The following PROCR variants were observed in gnomAD, a reference collection of about 807,000 sequenced individuals.
The protein encoded by PROCR is protein C receptor.
In PROCR, 22 loss-of-function variants were observed where a neutral mutation model predicts 24.2. The observed-to-expected ratio is 0.91, with a 90% CI of 0.65 to 1.30. PROCR has a LOEUF of 1.30. Ranked by LOEUF, PROCR falls within the 50% of genes most tolerant of loss-of-function variation. The pLI, the probability that PROCR is intolerant of heterozygous loss-of-function variation, is 0.00. For missense variants in PROCR, 288 were observed against 307.7 expected (o/e 0.94, Z 0.48); for synonymous variants, 137 against 139.2 (o/e 0.98, Z 0.11).
chr20:35,192,501 G>A (rs1001948076), intron 1 of PROCR, among the ~76,000 whole-genome samples: 1 of 152,120 alleles, frequency 6.6e-6, no homozygotes, highest in Non-Finnish European at 1.5e-5. Context: ...GGAAAGTTGT[G>A]TGTCTGTTCC....
upstream of PROCR, chr20:35,172,031 ATCC>A: frequency 1.2e-6 from 1 of 845,988 alleles, no homozygotes; most frequent in South Asian, 1.4e-5. Flanking sequence ...GCCTCCTTCC[ATCC>A]TCCTCTGCCC....
At chr20:35,216,215 A>G (rs1359049464) in exon 2 of PROCR, 1 of 152,150 alleles carries the variant, frequency 6.6e-6, no homozygotes, top group African/African-American at 2.4e-5. Context: ...TAAATAAATA[A>G]AACAAAATAA....
chr20:35,183,993 A>G (rs1448406515), intron 1 of PROCR, among the ~76,000 whole-genome samples: 7 of 152,222 alleles, frequency 4.6e-5, no homozygotes, highest in Non-Finnish European at 7.3e-5. Flanking sequence ...AGCAATCTAC[A>G]AATTCACGCA....
intron 1 of PROCR, among the ~76,000 whole-genome samples, chr20:35,197,858 C>G (rs2060304368): frequency 6.6e-6 from 1 of 151,200 alleles, no homozygotes. Flanking sequence ...TCACATACAT[C>G]TCTCACTTTA....
At chr20:35,197,966 T>C (rs1252876191) in intron 1 of PROCR, among the ~76,000 whole-genome samples, 1 of 150,532 alleles carries the variant, frequency 6.6e-6, no homozygotes, top group Admixed American at 6.6e-5. Context: ...GTTAGCCGAG[T>C]TGTAAATGCA....
intron 2 of PROCR, among the ~76,000 whole-genome samples, chr20:35,175,293 TC>T (rs1447621482): frequency 1.3e-5 from 2 of 151,174 alleles, no homozygotes; most frequent in East Asian, 3.9e-4. Flanking sequence ...TTCATAGATC[TC>T]CGTCCTTCCC....
downstream of PROCR, among the ~76,000 whole-genome samples, chr20:35,181,569 G>A (rs1017643143): frequency 9.2e-5 from 14 of 152,238 alleles, no homozygotes; most frequent in Admixed American, 4.6e-4. Flanking sequence ...CACTGTGCCC[G>A]GCCCCTCAAA....
At chr20:35,204,366 TTCCC>T (rs1394556646) in intron 1 of PROCR, among the ~76,000 whole-genome samples, 17 of 109,482 alleles carry the variant, frequency 1.6e-4, no homozygotes, top group African/African-American at 3.5e-4. Flanking sequence ...CCCTCCCTCC[TTCCC>T]TCCCTCCCTC....
chr20:35,192,137 G>A (rs1332796190), intron 1 of PROCR, among the ~76,000 whole-genome samples: 1 of 152,184 alleles, frequency 6.6e-6, no homozygotes, highest in Non-Finnish European at 1.5e-5. Flanking sequence ...CACTGCTGTT[G>A]GTAAGGTAAA....
intron 1 of PROCR, among the ~76,000 whole-genome samples, chr20:35,196,396 A>T (rs1320688942): frequency 6.6e-6 from 1 of 152,072 alleles, no homozygotes; most frequent in East Asian, 1.9e-4. Context: ...CCCCAAAAGG[A>T]TAAAAGCAAT....
At chr20:35,172,571 C>T (rs146274958) in intron 1 of PROCR, among the ~76,000 whole-genome samples, 3 of 151,182 alleles carry the variant, frequency 2.0e-5, no homozygotes, top group Non-Finnish European at 4.4e-5. Context: ...CTAGGGGAGA[C>T]GGGAAGAGGC....
downstream of PROCR, among the ~76,000 whole-genome samples, chr20:35,180,489 A>G (rs1191308656): frequency 2.6e-5 from 4 of 152,206 alleles, no homozygotes; most frequent in East Asian, 5.8e-4. Flanking sequence ...AATAGGTTGG[A>G]TTGACAAGGG....
chr20:35,184,352 A>G (rs2086104224), intron 1 of PROCR, among the ~76,000 whole-genome samples: 1 of 152,224 alleles, frequency 6.6e-6, no homozygotes, highest in African/African-American at 2.4e-5. Context: ...GGTTAGCCAC[A>G]GGTAGAAGAA....
chr20:35,190,554 C>T (rs982720032), intron 1 of PROCR, among the ~76,000 whole-genome samples: 7 of 152,024 alleles, frequency 4.6e-5, no homozygotes, highest in Non-Finnish European at 8.8e-5. Context: ...AAACAAAAGC[C>T]CTGTAGTTTT....
chr20:35,199,423 G>C (rs2060310715), intron 1 of PROCR, among the ~76,000 whole-genome samples: 1 of 152,148 alleles, frequency 6.6e-6, no homozygotes, highest in Non-Finnish European at 1.5e-5. Flanking sequence ...TGCAGTCCAT[G>C]GATCAAGGAG....
At chr20:35,205,661 G>A (rs2060335718) in intron 1 of PROCR, among the ~76,000 whole-genome samples, 1 of 149,228 alleles carries the variant, frequency 6.7e-6, no homozygotes, top group Admixed American at 6.7e-5. Flanking sequence ...TGAGGCAGGA[G>A]AATTGCTTGA....
At chr20:35,191,593 T>G (rs2086174305) in intron 1 of PROCR, among the ~76,000 whole-genome samples, 1 of 152,114 alleles carries the variant, frequency 6.6e-6, no homozygotes, top group African/African-American at 2.4e-5. Context: ...AGATGACAGT[T>G]GAGCAGAGAT....
At chr20:35,213,411 G>A (rs571448011) in intron 1 of PROCR, among the ~76,000 whole-genome samples, 35 of 151,884 alleles carry the variant, frequency 2.3e-4, no homozygotes, top group Non-Finnish European at 4.7e-4. Flanking sequence ...TGGGTCATAG[G>A]TCTTTTTCTT....
At chr20:35,183,210 T>C (rs1292776454) in intron 1 of PROCR, among the ~76,000 whole-genome samples, 1 of 152,178 alleles carries the variant, frequency 6.6e-6, no homozygotes, top group Non-Finnish European at 1.5e-5. Flanking sequence ...GTTTTGTCCC[T>C]CCAAATCTCA....
Sources: allele counts gnomAD v4.1 joint callset (sites outside exome capture counted in the v4.1 genomes callset), GRCh38; gene constraint gnomAD v4.1.1; transcripts MANE v1.5; gene names NCBI Gene and HGNC (gene_info 2026-07-23, HGNC 2026-07-21).